TNS3: variants seen among roughly 807,000 people sequenced by gnomAD.
TNS3 encodes the protein tensin 3.
A neutral mutation model predicts 140.9 loss-of-function variants in TNS3; 45 were observed. The observed-to-expected ratio is 0.32, with a 90% CI of 0.25 to 0.41. The LOEUF (loss-of-function observed/expected upper bound fraction) is 0.41, where lower values mean the gene tolerates loss of function less well. Ranked by LOEUF, TNS3 falls within the 10% of genes least tolerant of loss-of-function variation. The pLI, the probability that TNS3 is intolerant of heterozygous loss-of-function variation, is 1.00. For missense variants in TNS3, 1,716 were observed against 1,906.7 expected (o/e 0.90, Z 1.86); for synonymous variants, 815 against 788.4 (o/e 1.03, Z -0.56).
At chr7:47,376,569 G>C (rs185996274) in intron 16 of TNS3, among the ~76,000 whole-genome samples, 2 of 152,306 alleles carry the variant, frequency 1.3e-5, no homozygotes, top group Admixed American at 1.3e-4. Flanking sequence ...GAAATCAGAG[G>C]CTGAGAGAGC....
intron 4 of TNS3, among the ~76,000 whole-genome samples, chr7:47,454,194 G>A (rs913527471): frequency 6.6e-6 from 1 of 152,074 alleles, no homozygotes; most frequent in Non-Finnish European, 1.5e-5. Context: ...AACACAAACA[G>A]GGGGCCCCAG....
chr7:47,409,876 C>T (rs900949298), intron 13 of TNS3, among the ~76,000 whole-genome samples: 1 of 152,108 alleles, frequency 6.6e-6, no homozygotes, highest in African/African-American at 2.4e-5. Context: ...CCAGGATGGT[C>T]TCGATCTCCT....
chr7:47,292,619 C>A (rs1311688936), intron 26 of TNS3, among the ~76,000 whole-genome samples: 1 of 152,236 alleles, frequency 6.6e-6, no homozygotes, highest in African/African-American at 2.4e-5. Flanking sequence ...TGATGTAAAG[C>A]TATCTGGGAG....
chr7:47,302,313 T>TG, intron 22 of TNS3, 41 bp from the exon 23 acceptor site: 2 of 1,528,944 alleles, frequency 1.3e-6, no homozygotes, highest in Non-Finnish European at 1.8e-6. Context: ...TGATGGGCAC[T>TG]TTTCTTCTTG....
chr7:47,295,170 A>C (rs1328414752), intron 24 of TNS3, among the ~76,000 whole-genome samples: 1 of 152,150 alleles, frequency 6.6e-6, no homozygotes, highest in Non-Finnish European at 1.5e-5. Context: ...TGCTATTCTA[A>C]TATCCCCTAT....
chr7:47,447,349 T>C (rs1052467835), intron 4 of TNS3, among the ~76,000 whole-genome samples: 10 of 151,882 alleles, frequency 6.6e-5, no homozygotes, highest in Admixed American at 6.6e-4. Flanking sequence ...GTCACAGCAG[T>C]GGGCGAGAGC....
chr7:47,580,345 A>C (rs1305732841), intron 1 of TNS3, among the ~76,000 whole-genome samples: 1 of 152,232 alleles, frequency 6.6e-6, no homozygotes, highest in Non-Finnish European at 1.5e-5. Flanking sequence ...CCCTCCAAGG[A>C]ATGTAATTTG....
chr7:47,477,984 G>A (rs77138451), intron 4 of TNS3, among the ~76,000 whole-genome samples: 10,327 of 152,222 alleles, frequency 0.068, 390 homozygotes, highest in Non-Finnish European at 0.073. Flanking sequence ...GCACTGCCCT[G>A]TTTAGGGGAG....
chr7:47,428,334 G>C lies in TNS3; in HGVS notation c.367C>G (p.His123Asp). The change falls in exon 9 of 31, where the codon CAT (histidine) becomes GAT (aspartate). Residue 123 changes from histidine to aspartate, a missense_variant. His to Asp is a moderately conservative substitution (Grantham distance 81). This residue lies in a region of TNS3 where 337 missense variants were observed against 428.9 expected (regional missense o/e 0.79). Transcript: ENST00000311160. ...TACCTGGCTGAGACGTTGGTGAAATGCATGTAGGATGATATGACCACTCCT... is the reference window on the plus strand; with the variant it reads ...TACCTGGCTGAGACGTTGGTGAAATCCATGTAGGATGATATGACCACTCCT... ...RIGVVISSYM[H>D]FTNVSASADQ... The C allele has an allele frequency of 2.8e-6, 4 of 1,450,714 alleles. No homozygotes were observed. Among genetic ancestry groups the C allele is most frequent in the Non-Finnish European group, 3.6e-6 (4 of 1,096,368 alleles). 89.9% of individuals were successfully genotyped at this position (1,450,714 alleles called of 1,614,324 possible).
At chr7:47,577,465 G>A (rs1418011449) in intron 1 of TNS3, among the ~76,000 whole-genome samples, 6 of 152,196 alleles carry the variant, frequency 3.9e-5, no homozygotes, top group African/African-American at 9.7e-5. Context: ...CAGGCACGCC[G>A]CAGCTCCTGA....
intron 17 of TNS3, among the ~76,000 whole-genome samples, chr7:47,349,010 T>C (rs564867744): frequency 6.6e-6 from 1 of 152,320 alleles, no homozygotes; most frequent in East Asian, 1.9e-4. Flanking sequence ...GAATACAATC[T>C]GTGCATGAGC....
At chr7:47,346,033 C>A (rs1246218001) in intron 18 of TNS3, among the ~76,000 whole-genome samples, 154 bp downstream of exon 18, 1 of 152,168 alleles carries the variant, frequency 6.6e-6, no homozygotes, top group Non-Finnish European at 1.5e-5. Context: ...GGAGCCACGA[C>A]CATATTTGTG....
chr7:47,430,425 C>T (rs543137904), intron 8 of TNS3, among the ~76,000 whole-genome samples: 11 of 151,714 alleles, frequency 7.3e-5, no homozygotes, highest in African/African-American at 2.4e-4. Flanking sequence ...CCACTGCACC[C>T]GGCCTATAAA....
At chr7:47,422,979 C>T (rs548659811) in intron 10 of TNS3, among the ~76,000 whole-genome samples, 1 of 152,260 alleles carries the variant, frequency 6.6e-6, no homozygotes, top group South Asian at 2.1e-4. Flanking sequence ...TTGCTGACCA[C>T]AGTCCTACAC....
At chr7:47,572,876 CA>C (rs1348388956) in intron 1 of TNS3, among the ~76,000 whole-genome samples, 1 of 151,572 alleles carries the variant, frequency 6.6e-6, no homozygotes, top group Non-Finnish European at 1.5e-5. Flanking sequence ...AAAAAAAGAG[CA>C]AAACATAGCA....
intron 4 of TNS3, among the ~76,000 whole-genome samples, chr7:47,448,173 G>A (rs1795843367): frequency 6.6e-6 from 1 of 152,240 alleles, no homozygotes; most frequent in South Asian, 2.1e-4. Context: ...CACCCGGGCA[G>A]GAGTAAGCAC....
intron 13 of TNS3, among the ~76,000 whole-genome samples, chr7:47,405,238 G>A (rs1196602719): frequency 6.6e-6 from 1 of 152,172 alleles, no homozygotes; most frequent in Non-Finnish European, 1.5e-5. Context: ...CCCAATGCCA[G>A]CCGTTGCTGG....
intron 4 of TNS3, among the ~76,000 whole-genome samples, chr7:47,465,288 C>T (rs1344307652): frequency 6.6e-6 from 1 of 152,166 alleles, no homozygotes; most frequent in Non-Finnish European, 1.5e-5. Flanking sequence ...CTCAATGCCA[C>T]ACAGGAGACT....
chr7:47,459,646 A>C (rs1202077245), intron 4 of TNS3, among the ~76,000 whole-genome samples: 2 of 152,218 alleles, frequency 1.3e-5, no homozygotes, highest in African/African-American at 2.4e-5. Flanking sequence ...TGTCTGGTGC[A>C]TCAGAGGTCC....
Sources: allele counts gnomAD v4.1 joint callset (sites outside exome capture counted in the v4.1 genomes callset), GRCh38; gene constraint gnomAD v4.1.1; regional missense constraint gnomAD v4.1.1; transcripts MANE v1.5; gene names NCBI Gene and HGNC (gene_info 2026-07-23, HGNC 2026-07-21).